PNKD: variants seen among roughly 807,000 people sequenced by gnomAD.
The protein encoded by PNKD is probable thioesterase PNKD.
PNKD carries 36 observed loss-of-function variants against 45.3 expected under a neutral mutation model. The ratio of observed to expected loss-of-function variants is 0.80; its 90% CI spans 0.61 to 1.05. The LOEUF (loss-of-function observed/expected upper bound fraction) is 1.05. PNKD is among the 50% of genes least tolerant of loss of function. The pLI, the probability that PNKD is intolerant of heterozygous loss-of-function variation, is 0.00. For synonymous variants in PNKD, 197 were observed against 210.1 expected (o/e 0.94, Z 0.54); for missense variants, 511 against 506.6 (o/e 1.01, Z -0.08).
At chr2:218,282,340 C>T (rs912519426) in intron 2 of PNKD, 3 of 493,544 alleles carry the variant, frequency 6.1e-6, no homozygotes, top group Non-Finnish European at 1.1e-5. Flanking sequence ...CACAGGCCAC[C>T]TCCCCACCAA....
intron 2 of PNKD, among the ~76,000 whole-genome samples, chr2:218,307,603 G>T (rs908504872): frequency 6.6e-6 from 1 of 152,212 alleles, no homozygotes; most frequent in Non-Finnish European, 1.5e-5. Flanking sequence ...TACAGGTAAA[G>T]CTTTGCCTGT....
chr2:218,331,066 A>G (rs559109761), intron 2 of PNKD, among the ~76,000 whole-genome samples: 19 of 152,218 alleles, frequency 1.2e-4, no homozygotes, highest in African/African-American at 3.4e-4. Flanking sequence ...ACCAGGGGCC[A>G]TAACATGGGG....
chr2:218,284,313 C>G (rs147852743), intron 2 of PNKD: 10 of 152,486 alleles, frequency 6.6e-5, no homozygotes, highest in African/African-American at 2.2e-4. Flanking sequence ...CCACTGCCCC[C>G]TCTAACAACA....
chr2:218,271,876 G>A (rs1439715204), intron 2 of PNKD, among the ~76,000 whole-genome samples: 1 of 152,152 alleles, frequency 6.6e-6, no homozygotes, highest in East Asian at 1.9e-4. Flanking sequence ...TGTACTAGTT[G>A]TATAGTAGTA....
chr2:218,277,692 G>C, intron 2 of PNKD: 1 of 1,614,094 alleles, frequency 6.2e-7, no homozygotes, highest in Non-Finnish European at 8.5e-7. Context: ...AGAGAGACAA[G>C]AATGAAACAC....
intron 2 of PNKD, among the ~76,000 whole-genome samples, chr2:218,276,670 C>G (rs1487667710): frequency 6.6e-6 from 1 of 152,224 alleles, no homozygotes; most frequent in East Asian, 1.9e-4. Flanking sequence ...CACCTAGGCC[C>G]ATCATCTCAG....
intron 2 of PNKD, among the ~76,000 whole-genome samples, chr2:218,287,935 G>A (rs939652946): frequency 2.0e-5 from 3 of 152,198 alleles, no homozygotes; most frequent in African/African-American, 7.2e-5. Flanking sequence ...TGGTAATCTC[G>A]GGTTACCCCA....
chr2:218,310,684 C>T (rs1693587372), intron 2 of PNKD, among the ~76,000 whole-genome samples: 2 of 150,820 alleles, frequency 1.3e-5, no homozygotes, highest in Admixed American at 6.6e-5. Context: ...CTCCGCCTCC[C>T]AGGTTCAAGC....
rs569422837 is a variant in PNKD at position 218,340,341 on chromosome 2, T to A, written c.465+200T>A. 1.3e-5 allele frequency among the ~76,000 whole-genome samples: 2 copies of A among 151,160 alleles called. No homozygotes were observed. The highest frequency in any genetic ancestry group is 3.9e-4 in the East Asian group (2 of 5,128). ...GCTGGGCAGAAGGGGAGAGCAGGAG[T>A]GGGGGATGCAGAGCCAGAGGGCTGG... is the stretch of plus-strand genomic sequence containing the variant. On this transcript the variant is annotated intron_variant, in intron 4 of 9. Coordinates refer to ENST00000273077, the MANE Select transcript of PNKD (RefSeq NM_015488.5). The surrounding 1 kb of genome is among the most constrained non-coding windows in gnomAD (Gnocchi z 4.2).
In PNKD at chr2:218,311,996, T is replaced by C. The variant is rs149490615; in HGVS notation, c.237-27787T>C. Among the ~76,000 whole-genome samples the C allele has an allele frequency of 4.2e-3, 647 of 152,376 alleles. 2 individuals carry two copies. Among genetic ancestry groups the C allele is most frequent in the African/African-American group, 0.015 (606 of 41,598 alleles). On this transcript the variant is annotated intron_variant, in intron 2 of 9. Transcript: ENST00000273077. ...GAATGGCGATGACTTTTACCAAGCA[T>C]ACTGCCTGCAAACATATTGTTAACA...
intron 2 of PNKD, among the ~76,000 whole-genome samples, chr2:218,298,526 T>C (rs1279541100): frequency 1.3e-5 from 2 of 152,200 alleles, no homozygotes; most frequent in African/African-American, 4.8e-5. Context: ...GTTGTAAGAA[T>C]GAAAAATAGC....
chr2:218,271,642 T>A, intron 2 of PNKD, 93 bp downstream of exon 2: 2 of 1,134,742 alleles, frequency 1.8e-6, no homozygotes, highest in Non-Finnish European at 2.6e-6. Flanking sequence ...GGTGGCGAGC[T>A]GAATCCAAAG....
intron 2 of PNKD, among the ~76,000 whole-genome samples, chr2:218,318,950 C>CTTTTTTTTTTTTTTTTTTTTTT (rs769001811): frequency 1.0e-4 from 10 of 99,902 alleles, no homozygotes; most frequent in Non-Finnish European, 1.7e-4. Context: ...TTTTTTTTTT[C>CTTTTTTTTTTTTTTTTTTTTTT]TTTTTTTTTT....
At chr2:218,309,646 A>G (rs550206770) in intron 2 of PNKD, among the ~76,000 whole-genome samples, 1 of 151,976 alleles carries the variant, frequency 6.6e-6, no homozygotes, top group East Asian at 1.9e-4. Context: ...AGAAAACCCA[A>G]CTGAGGCCAG....
intron 2 of PNKD, among the ~76,000 whole-genome samples, chr2:218,295,270 A>G (rs1190398467): frequency 1.3e-5 from 2 of 152,268 alleles, no homozygotes; most frequent in Non-Finnish European, 2.9e-5. Flanking sequence ...CCAACCAGAC[A>G]GGAATTTCCG....
chr2:218,280,220 C>G lies in PNKD; in HGVS notation c.236+8671C>G, dbSNP rs772776037. ...GACAATCTCAAAGTCTCAGGGATCT[C>G]CAGCCAAAAGACAAGTGTTATAACA... On this transcript the variant is annotated intron_variant, in intron 2 of 9. Coordinates refer to ENST00000273077, the MANE Select transcript of PNKD (RefSeq NM_015488.5). The G allele has an allele frequency of 5.4e-6, 5 of 924,846 alleles. No individual in the cohort carries two copies. The African/African-American group carries it at 8.2e-5, about 15-fold the overall frequency. The allele number at this position is 924,846 out of a possible 1,614,324, so 57.3% of individuals were successfully genotyped here.
chr2:218,345,662 C>T lies in PNKD; in HGVS notation c.*681C>T, dbSNP rs1340601297. 1 of 152,620 alleles carries T rather than the reference C, an allele frequency of 6.6e-6. No individual in the cohort carries two copies. Among genetic ancestry groups the T allele is most frequent in the Non-Finnish European group, 1.5e-5 (1 of 68,306 alleles). 9.5% of individuals were successfully genotyped at this position (152,620 alleles called of 1,614,324 possible). ...AGGGTCCTGATTGCCAAGGAAACCT[C>T]CTCATTGGGCTAAGGAGACACTGGA... On this transcript the variant is annotated 3_prime_UTR_variant, in exon 10 of 10. Coordinates refer to ENST00000273077, the MANE Select transcript of PNKD (RefSeq NM_015488.5).
intron 1 of PNKD, chr2:218,270,890 C>G: frequency 2.6e-6 from 1 of 381,234 alleles, no homozygotes; most frequent in Non-Finnish European, 4.7e-6. Context: ...GAGGAAAGAG[C>G]CCCGGGCTTC....
At chr2:218,292,658 C>A (rs1197948084) in intron 2 of PNKD, 1 of 152,100 alleles carries the variant, frequency 6.6e-6, no homozygotes, top group African/African-American at 2.4e-5. Context: ...CCCGACGACG[C>A]CTCACTAATA....
Sources: allele counts gnomAD v4.1 joint callset (sites outside exome capture counted in the v4.1 genomes callset), GRCh38; gene constraint gnomAD v4.1.1; non-coding constraint Gnocchi (gnomAD v3.1); transcripts MANE v1.5; gene names NCBI Gene and HGNC (gene_info 2026-07-23, HGNC 2026-07-21).